Variants in FGF14 observed in about 807,000 individuals in gnomAD.
FGF14 encodes the protein fibroblast growth factor 14, also known as fibroblast growth factor homologous factor 4.
A neutral mutation model predicts 25.5 loss-of-function variants in FGF14; 5 were observed. The ratio of observed to expected loss-of-function variants is 0.20; its 90% confidence interval spans 0.10 to 0.41. FGF14 has a LOEUF of 0.41. Ranked by LOEUF, FGF14 falls within the 10% of genes least tolerant of loss-of-function variation. The pLI, the probability that FGF14 is intolerant of heterozygous loss-of-function variation, is 1.00. For synonymous variants in FGF14, 138 were observed against 118.3 expected, an observed-to-expected ratio of 1.17 and a Z score of -1.08; for missense variants, 222 against 320.1, an observed-to-expected ratio of 0.69 and a Z score of 2.34.
At position 101,857,449 on chromosome 13, in the gene FGF14, C is replaced by G. The variant is rs141450156; in HGVS notation, c.408+11276G>C. 4.1e-3 allele frequency among the ~76,000 whole-genome samples: 618 copies of G among 152,014 alleles called. 2 individuals are homozygous for G. Among genetic ancestry groups the G allele is most frequent in the African/African-American group, 0.014 (581 of 41,496 alleles). The stretch of plus-strand genomic sequence containing the variant: ...TAGTGGAGTGGTCAAATCTTAAAAC[C>G]AAGGTCTAACCCTGGACAAAACCCC... On this transcript the variant is annotated intron_variant, in intron 3 of 4. Transcript: ENST00000376143.
rs550086861 is a variant in FGF14 at position 102,351,699 on chromosome 13, C to T, written c.208+49772G>A. 6.2e-4 allele frequency among the ~76,000 whole-genome samples: 95 copies of T among 152,326 alleles called. 1 individual carries two copies. In the Middle Eastern group the frequency reaches 0.014, roughly 22 times the overall value. On this transcript the variant is annotated intron_variant, in intron 1 of 4. Transcript: ENST00000376131. ...CACATGGCATTTGGTCAGAGACCTC[C>T]GTTCCTCACCATGGGGGCCTTTCCA...
chr13:101,815,728 C>T (rs1394897998), intron 3 of FGF14, among the ~76,000 whole-genome samples: 1 of 151,780 alleles, frequency 6.6e-6, no homozygotes, highest in Non-Finnish European at 1.5e-5. Context: ...TGAGATAATA[C>T]CCCCCCACCC....
chr13:101,740,273 T>C (rs1326870711), intron 3 of FGF14, among the ~76,000 whole-genome samples: 1 of 152,154 alleles, frequency 6.6e-6, no homozygotes, highest in Non-Finnish European at 1.5e-5. Context: ...TTTTCATCGT[T>C]CTCTAAAAGC....
intron 1 of FGF14, among the ~76,000 whole-genome samples, chr13:101,888,028 A>G (rs1043199605): frequency 3.3e-5 from 5 of 152,132 alleles, no homozygotes; most frequent in African/African-American, 1.2e-4. Context: ...TACCTTTTTC[A>G]GGTAAGGAGA....
intron 1 of FGF14, among the ~76,000 whole-genome samples, chr13:101,882,550 G>GT (rs35443564): frequency 0.024 from 3,554 of 145,700 alleles, 108 homozygotes; most frequent in African/African-American, 0.076. Flanking sequence ...TATATTTTCT[G>GT]TTTTTTTTTT....
At chr13:102,128,114 A>C (rs598812) in intron 1 of FGF14, among the ~76,000 whole-genome samples, 5,171 of 138,364 alleles carry the variant, frequency 0.037, 285 homozygotes, top group African/African-American at 0.12. Context: ...AATCCTGACT[A>C]CACCCCTTAC....
At chr13:101,838,682 T>C (rs893049879) in intron 3 of FGF14, among the ~76,000 whole-genome samples, 2 of 151,990 alleles carry the variant, frequency 1.3e-5, no homozygotes, top group South Asian at 2.1e-4. Context: ...AAAATCCTCA[T>C]GTAAATAAAC....
intron 1 of FGF14, among the ~76,000 whole-genome samples, chr13:102,272,884 G>T (rs1179044957): frequency 1.3e-5 from 2 of 152,052 alleles, no homozygotes; most frequent in Admixed American, 6.5e-5. Context: ...TTAAAATAAG[G>T]AAAGAAATTC....
At position 102,239,697 on chromosome 13, in the gene FGF14, G is replaced by T. The variant is rs2051499107; in HGVS notation, c.208+161774C>A. 2.0e-5 allele frequency among the ~76,000 whole-genome samples: 3 copies of T among 152,090 alleles called. No homozygotes were observed. In the South Asian group the frequency reaches 6.2e-4, roughly 32 times the overall value. Reference sequence around the variant, plus strand: ...CTGCAAATGAATGGAGCCACTAAATGACCAAGAAAACCTGGACACAGTTTT... The same window carrying T: ...CTGCAAATGAATGGAGCCACTAAATTACCAAGAAAACCTGGACACAGTTTT... On this transcript the variant is annotated intron_variant, in intron 1 of 4. Transcript: ENST00000376131.
intron 1 of FGF14, among the ~76,000 whole-genome samples, chr13:101,905,616 G>A (rs573258281): frequency 1.1e-3 from 172 of 152,146 alleles, no homozygotes; most frequent in African/African-American, 3.8e-3. Context: ...ACAGGTTGAT[G>A]AGTGCAGCAA....
At chr13:102,285,115 C>A (rs1245099001) in intron 1 of FGF14, among the ~76,000 whole-genome samples, 1 of 152,168 alleles carries the variant, frequency 6.6e-6, no homozygotes, top group Non-Finnish European at 1.5e-5. Flanking sequence ...AAGAACACAT[C>A]TACTTATACT....
At chr13:102,315,935 C>G (rs1005056887) in intron 1 of FGF14, among the ~76,000 whole-genome samples, 3 of 152,026 alleles carry the variant, frequency 2.0e-5, no homozygotes, top group African/African-American at 7.2e-5. Context: ...ATGAATATAC[C>G]AGCACTGCAA....
chr13:101,931,286 G>A (rs934408072), intron 1 of FGF14, among the ~76,000 whole-genome samples: 3 of 152,050 alleles, frequency 2.0e-5, no homozygotes, highest in Non-Finnish European at 4.4e-5. Flanking sequence ...TGGCTTCCCA[G>A]CTCCTTCCAT....
chr13:102,078,097 G>A (rs1052818062), intron 1 of FGF14, among the ~76,000 whole-genome samples: 1 of 152,178 alleles, frequency 6.6e-6, no homozygotes, highest in African/African-American at 2.4e-5. Flanking sequence ...AAAAGCCACA[G>A]AGGTTGAGAG....
intron 1 of FGF14, among the ~76,000 whole-genome samples, chr13:101,928,588 G>C (rs1201676410): frequency 2.0e-5 from 3 of 152,000 alleles, no homozygotes; most frequent in Admixed American, 2.0e-4. Context: ...CCAGGCTGAA[G>C]GTTAGAACAA....
intron 1 of FGF14, among the ~76,000 whole-genome samples, chr13:102,060,616 G>T (rs1321672294): frequency 6.6e-6 from 1 of 152,118 alleles, no homozygotes; most frequent in Admixed American, 6.5e-5. Context: ...TTTTTTAACT[G>T]GTAAATGTTT....
chr13:102,331,867 T>C (rs1295862163), intron 1 of FGF14, among the ~76,000 whole-genome samples: 1 of 152,082 alleles, frequency 6.6e-6, no homozygotes, highest in Non-Finnish European at 1.5e-5. Flanking sequence ...AGAAAATCCT[T>C]CCCCATGGAA....
intron 2 of FGF14, among the ~76,000 whole-genome samples, chr13:101,870,786 T>C (rs375447283): frequency 4.6e-5 from 7 of 152,146 alleles, no homozygotes; most frequent in African/African-American, 1.7e-4. Context: ...AAACCTCGTC[T>C]CTACTAAAAA....
intron 1 of FGF14, among the ~76,000 whole-genome samples, chr13:102,365,330 A>AAG (rs2057679699): frequency 6.6e-6 from 1 of 152,096 alleles, no homozygotes; most frequent in African/African-American, 2.4e-5. Flanking sequence ...TGGAAATGGA[A>AAG]AGATCTGAAG....
Sources: gnomAD v4.1 joint callset for allele counts (sites outside exome capture counted in the v4.1 genomes callset) on GRCh38, gnomAD v4.1.1 for gene constraint, MANE v1.5 for transcripts, NCBI Gene and HGNC (gene_info 2026-07-23, HGNC 2026-07-21) for gene names.